SLC2A13: variants seen among roughly 807,000 people sequenced by gnomAD.
SLC2A13 encodes proton myo-inositol cotransporter.
Under a neutral mutation model 64.4 loss-of-function variants are expected in SLC2A13, and 32 were observed. The ratio of observed to expected loss-of-function variants is 0.50; its 90% confidence interval spans 0.37 to 0.67. SLC2A13 has a LOEUF of 0.67. SLC2A13 is among the 30% of genes least tolerant of loss of function. The pLI is 0.00. For missense variants in SLC2A13, 743 were observed against 829.2 expected, an observed-to-expected ratio of 0.90 and a Z score of 1.28; for synonymous variants, 338 against 327.1, an observed-to-expected ratio of 1.03 and a Z score of -0.36.
chr12:39,999,198 G>T (rs1319393555), intron 3 of SLC2A13, among the ~76,000 whole-genome samples: 1 of 152,104 alleles, frequency 6.6e-6, no homozygotes, highest in East Asian at 1.9e-4. Flanking sequence ...TGTAAAACAT[G>T]TGTGTTTGAA....
chr12:40,076,292 G>T (rs1456476935), intron 1 of SLC2A13, among the ~76,000 whole-genome samples: 1 of 152,044 alleles, frequency 6.6e-6, no homozygotes, highest in African/African-American at 2.4e-5. Flanking sequence ...GTAGTTTTTT[G>T]ATCCTCACCC....
At chr12:40,084,960 G>A (rs867158437) in intron 1 of SLC2A13, among the ~76,000 whole-genome samples, 2 of 152,148 alleles carry the variant, frequency 1.3e-5, no homozygotes, top group African/African-American at 2.4e-5. Context: ...CAAGGGGAGA[G>A]AAGCTGAAGG....
chr12:40,041,485 C>A (rs1446627555), intron 2 of SLC2A13, among the ~76,000 whole-genome samples: 1 of 152,176 alleles, frequency 6.6e-6, no homozygotes, highest in Non-Finnish European at 1.5e-5. Context: ...ATTCATTCAT[C>A]TTGGGAGCTC....
At position 39,759,937 on chromosome 12, in the gene SLC2A13, C is replaced by T; in HGVS notation, c.*89G>A. 4 of 930,480 alleles carry T rather than the reference C, an allele frequency of 4.3e-6. No individual in the cohort carries two copies. Among genetic ancestry groups the T allele is most frequent in the Non-Finnish European group, 6.7e-6 (4 of 599,760 alleles). 57.6% of individuals were successfully genotyped at this position (930,480 alleles called of 1,614,324 possible). The stretch of plus-strand genomic sequence containing the variant: ...AATCAAAACTAGGCTGTGGAAAGAA[C>T]CAGATTAGAAGCAGGGCAGTGAAGT... On this transcript the variant is annotated 3_prime_UTR_variant, in exon 10 of 10. Coordinates refer to ENST00000280871, the MANE Select transcript of SLC2A13 (RefSeq NM_052885.4).
Position 40,027,629 on chromosome 12 carries a change from C to G in SLC2A13, c.925+672G>C, listed in dbSNP as rs752579910. Reference sequence around the variant, plus strand: ...GGTATGAAAAATAATTTGACTAATACAAATCTGCTTCTCCCCTTGAGCTAA... The same window carrying G: ...GGTATGAAAAATAATTTGACTAATAGAAATCTGCTTCTCCCCTTGAGCTAA... On this transcript the variant is annotated intron_variant, in intron 3 of 9. Transcript: ENST00000280871. Among the ~76,000 whole-genome samples the G allele has an allele frequency of 2.0e-5, 3 of 152,188 alleles. No individual in the cohort carries two copies. In the East Asian group the frequency reaches 5.8e-4, roughly 29 times the overall value.
At position 40,075,937 on chromosome 12, in the gene SLC2A13, G is replaced by A. The variant is rs1396233130; in HGVS notation, c.557-27727C>T. The stretch of plus-strand genomic sequence containing the variant: ...TTATTAAAGTACGTGTTTTTCTGTT[G>A]AGAACTTCTATCTTTCCATTCATTG... On this transcript the variant is annotated intron_variant, in intron 1 of 9. Coordinates refer to ENST00000280871, the MANE Select transcript of SLC2A13 (RefSeq NM_052885.4). Among the ~76,000 whole-genome samples the A allele has an allele frequency of 2.0e-5, 3 of 151,958 alleles. No individual in the cohort carries two copies. The East Asian group carries it at 5.8e-4, about 29-fold the overall frequency.
chr12:39,904,700 G>A (rs1315364474), intron 4 of SLC2A13, among the ~76,000 whole-genome samples: 1 of 152,132 alleles, frequency 6.6e-6, no homozygotes, highest in Admixed American at 6.6e-5. Flanking sequence ...TATATGCCCT[G>A]CTTTGCTGCA....
chr12:39,972,336 G>T (rs979988302), intron 3 of SLC2A13, among the ~76,000 whole-genome samples: 19 of 151,984 alleles, frequency 1.3e-4, no homozygotes, highest in African/African-American at 4.6e-4. Context: ...TGCTGCCCAA[G>T]AATGCAGTTT....
chr12:40,075,679 A>G (rs1332795870), intron 1 of SLC2A13, among the ~76,000 whole-genome samples: 1 of 152,158 alleles, frequency 6.6e-6, no homozygotes, highest in East Asian at 1.9e-4. Flanking sequence ...GTATCTTTAA[A>G]TATTTTTTCT....
intron 1 of SLC2A13, among the ~76,000 whole-genome samples, chr12:40,054,337 C>T (rs1048110220): frequency 1.2e-4 from 18 of 151,978 alleles, no homozygotes; most frequent in Non-Finnish European, 2.2e-4. Context: ...TGATTTCTTT[C>T]CTATTCTAAT....
chr12:39,981,141 A>G (rs1231112682), intron 3 of SLC2A13, among the ~76,000 whole-genome samples: 2 of 151,554 alleles, frequency 1.3e-5, no homozygotes, highest in African/African-American at 2.4e-5. Context: ...ACAAAGACAC[A>G]ACATATCAGA....
chr12:39,951,453 T>C, intron 3 of SLC2A13, 88 bp from the exon 4 acceptor site: 1 of 1,016,094 alleles, frequency 9.8e-7, no homozygotes, highest in South Asian at 2.3e-5. Context: ...TTTTCCTAAA[T>C]CTTCATGAAA....
At chr12:39,814,869 AATCG>A (rs966455866) in intron 7 of SLC2A13, among the ~76,000 whole-genome samples, 1 of 152,318 alleles carries the variant, frequency 6.6e-6, no homozygotes, top group African/African-American at 2.4e-5. Flanking sequence ...ATGCATTATC[AATCG>A]CTTTATCCTC....
rs745358884 is a variant in SLC2A13 at position 39,830,264 on chromosome 12, A to G, written c.1320-36T>C. 5.0e-6 allele frequency: 8 copies of G among 1,602,024 alleles called. No homozygotes were observed. The African/African-American group carries it at 9.4e-5, about 19-fold the overall frequency. On this transcript the variant is annotated intron_variant, in intron 6 of 9. Coordinates refer to ENST00000280871, the MANE Select transcript of SLC2A13 (RefSeq NM_052885.4). ...AAAAGAGTTACCGTCATGTTGGCAGAGACAACTGGTGCTCACCATATACTG... is the reference window on the plus strand; with the variant it reads ...AAAAGAGTTACCGTCATGTTGGCAGGGACAACTGGTGCTCACCATATACTG...
At chr12:39,824,619 T>C (rs7304797) in intron 7 of SLC2A13, among the ~76,000 whole-genome samples, 108,059 of 152,028 alleles carry the variant, frequency 0.71, 39,361 homozygotes, top group African/African-American at 0.87. Context: ...CCTGGAAATC[T>C]CCAGGCCAGG....
At chr12:40,100,944 G>A (rs1813122) in intron 1 of SLC2A13, among the ~76,000 whole-genome samples, 66,483 of 130,794 alleles carry the variant, frequency 0.51, 16,182 homozygotes, top group East Asian at 0.75. Context: ...CAGCCTGGGC[G>A]ACAAGAGTGA....
chr12:39,924,523 C>A (rs564071119), intron 4 of SLC2A13, among the ~76,000 whole-genome samples: 55 of 148,738 alleles, frequency 3.7e-4, no homozygotes, highest in Non-Finnish European at 2.4e-4. Flanking sequence ...ATAAGACTAG[C>A]TTATCTAAAA....
intron 4 of SLC2A13, among the ~76,000 whole-genome samples, chr12:39,899,811 T>C (rs904025756): frequency 3.3e-5 from 5 of 152,110 alleles, no homozygotes; most frequent in Admixed American, 3.3e-4. Context: ...TTCTTAATCC[T>C]GAGCTCTAGT....
At chr12:39,774,842 A>G (rs993759244) in intron 7 of SLC2A13, among the ~76,000 whole-genome samples, 1 of 152,190 alleles carries the variant, frequency 6.6e-6, no homozygotes, top group Non-Finnish European at 1.5e-5. Context: ...ACTACCTTAT[A>G]TACCCCAAGT....
Sources: gnomAD v4.1 joint callset for allele counts (sites outside exome capture counted in the v4.1 genomes callset) on GRCh38, gnomAD v4.1.1 for gene constraint, MANE v1.5 for transcripts, NCBI Gene and HGNC (gene_info 2026-07-23, HGNC 2026-07-21) for gene names.